The following KDM4C variants were observed in gnomAD, a reference collection of about 807,000 sequenced individuals.
The protein encoded by KDM4C is lysine-specific demethylase 4C.
A neutral mutation model predicts 129.3 loss-of-function variants in KDM4C; 81 were observed. That is an observed-to-expected ratio of 0.63 (90% confidence interval 0.52 to 0.75). KDM4C has a LOEUF of 0.75. Among genes scored for constraint, KDM4C ranks in the 30% least tolerant of loss-of-function variants. The probability of loss-of-function intolerance (pLI) is 0.00; values close to 1 mark genes in which losing one functional copy is unlikely to be tolerated. For synonymous variants in KDM4C, 573 were observed against 456.1 expected (o/e 1.26, Z -3.26); for missense variants, 1,457 against 1,304.0 (o/e 1.12, Z -1.81).
intron 3 of KDM4C, among the ~76,000 whole-genome samples, chr9:6,806,345 T>G (rs1247974629): frequency 6.6e-6 from 1 of 151,898 alleles, no homozygotes; most frequent in Non-Finnish European, 1.5e-5. Context: ...AACTACAAAA[T>G]TAACCATGCG....
At chr9:7,035,173 C>T (rs962553185) in intron 15 of KDM4C, among the ~76,000 whole-genome samples, 1 of 149,922 alleles carries the variant, frequency 6.7e-6, no homozygotes, top group African/African-American at 2.4e-5. Flanking sequence ...CCACCACACC[C>T]AGCTGAGTTT....
In KDM4C at chr9:7,016,265, C is replaced by T. The variant is rs576345688; in HGVS notation, c.2259+336C>T. Among the ~76,000 whole-genome samples, 3 of 151,842 alleles carry T rather than the reference C, an allele frequency of 2.0e-5. No homozygotes were observed. In the South Asian group the frequency reaches 6.2e-4, roughly 32 times the overall value. On this transcript the variant is annotated intron_variant, in intron 15 of 21. Transcript: ENST00000381309. Reference sequence around the variant, plus strand: ...GCCTCAGCCTCCCAAGTAGCTGGGACTACAGGCACCCGCCACCACGCCTGG... The same window carrying T: ...GCCTCAGCCTCCCAAGTAGCTGGGATTACAGGCACCCGCCACCACGCCTGG...
chr9:6,795,792 C>T (rs1404956022), intron 2 of KDM4C, among the ~76,000 whole-genome samples: 1 of 151,884 alleles, frequency 6.6e-6, no homozygotes, highest in East Asian at 1.9e-4. Context: ...CTCCCTCAGC[C>T]CCGCAATTAG....
At chr9:6,737,708 A>G (rs1817570533) in intron 1 of KDM4C, among the ~76,000 whole-genome samples, 1 of 151,750 alleles carries the variant, frequency 6.6e-6, no homozygotes, top group African/African-American at 2.4e-5. Flanking sequence ...ACATGAACAG[A>G]TAATTTTCAA....
intron 15 of KDM4C, among the ~76,000 whole-genome samples, chr9:7,041,170 G>A (rs992464296): frequency 4.6e-5 from 7 of 151,754 alleles, no homozygotes; most frequent in Non-Finnish European, 8.8e-5. Context: ...TATAATGGTT[G>A]TGTCTGTACT....
chr9:6,844,353 C>T (rs142742223), intron 4 of KDM4C, among the ~76,000 whole-genome samples: 1 of 152,180 alleles, frequency 6.6e-6, no homozygotes, highest in Non-Finnish European at 1.5e-5. Context: ...TCTCTAGCCA[C>T]CCCTTCACAC....
At chr9:7,008,414 C>T (rs545226288) in intron 12 of KDM4C, among the ~76,000 whole-genome samples, 67 of 152,288 alleles carry the variant, frequency 4.4e-4, no homozygotes, top group Admixed American at 1.8e-3. Context: ...CAACAGTAGC[C>T]AGCATTTGCA....
At chr9:6,781,518 A>G (rs546299608) in intron 1 of KDM4C, among the ~76,000 whole-genome samples, 12 of 152,210 alleles carry the variant, frequency 7.9e-5, no homozygotes, top group Admixed American at 5.9e-4. Context: ...CCATATAGCT[A>G]TAGCCATAAA....
At chr9:7,103,960 C>T in intron 18 of KDM4C, 90 bp downstream of exon 18, 3 of 1,148,018 alleles carry the variant, frequency 2.6e-6, no homozygotes, top group Non-Finnish European at 3.8e-6. Context: ...GTGCTTTATT[C>T]TGTAATATGA....
intron 15 of KDM4C, among the ~76,000 whole-genome samples, chr9:7,045,757 A>G (rs1326987549): frequency 1.3e-5 from 2 of 152,030 alleles, no homozygotes; most frequent in African/African-American, 4.8e-5. Context: ...CCTGTTGGAC[A>G]TTTCTAGTTG....
chr9:7,131,906 G>A (rs189067875), intron 19 of KDM4C, among the ~76,000 whole-genome samples: 16 of 152,290 alleles, frequency 1.1e-4, no homozygotes, highest in Admixed American at 9.8e-4. Context: ...TGAGCAACTG[G>A]TGGTAGAAAA....
At chr9:7,161,294 G>A (rs949663160) in intron 19 of KDM4C, among the ~76,000 whole-genome samples, 1 of 152,160 alleles carries the variant, frequency 6.6e-6, no homozygotes, top group African/African-American at 2.4e-5. Flanking sequence ...CCCAGCTGAG[G>A]TGATGCCCCA....
At chr9:7,092,035 G>A (rs1466835371) in intron 17 of KDM4C, among the ~76,000 whole-genome samples, 1 of 152,142 alleles carries the variant, frequency 6.6e-6, no homozygotes, top group Non-Finnish European at 1.5e-5. Flanking sequence ...TTTGTCCCAT[G>A]TGGATCTTAT....
chr9:6,935,500 T>G (rs919036387), intron 8 of KDM4C, among the ~76,000 whole-genome samples: 1 of 151,888 alleles, frequency 6.6e-6, no homozygotes, highest in African/African-American at 2.4e-5. Context: ...CACTGCAATC[T>G]CCCATCTCCC....
chr9:6,739,571 G>T (rs536202147), intron 1 of KDM4C, among the ~76,000 whole-genome samples: 1 of 151,612 alleles, frequency 6.6e-6, no homozygotes, highest in East Asian at 1.9e-4. Flanking sequence ...TACCCATTTG[G>T]TTTTACTCAC....
chr9:6,738,305 C>T (rs187224068), intron 1 of KDM4C, among the ~76,000 whole-genome samples: 4 of 152,008 alleles, frequency 2.6e-5, no homozygotes, highest in Non-Finnish European at 5.9e-5. Flanking sequence ...GGAGAAACCC[C>T]GTCTCTACTA....
chr9:7,099,748 G>A (rs1836860931), intron 17 of KDM4C, among the ~76,000 whole-genome samples: 1 of 152,152 alleles, frequency 6.6e-6, no homozygotes, highest in African/African-American at 2.4e-5. Flanking sequence ...TTCTGTTCTT[G>A]TCATCAGCCT....
intron 19 of KDM4C, among the ~76,000 whole-genome samples, chr9:7,143,103 G>A (rs1467477510): frequency 6.6e-6 from 1 of 152,124 alleles, no homozygotes; most frequent in Non-Finnish European, 1.5e-5. Flanking sequence ...ATAAAAGCTA[G>A]TCTCAGCTGT....
rs1169545922 is a variant in KDM4C at position 6,930,645 on chromosome 9, A to G, written c.921+37413A>G. Among the ~76,000 whole-genome samples, 5 of 147,208 alleles carry G rather than the reference A, an allele frequency of 3.4e-5. No individual in the cohort carries two copies. The East Asian group carries it at 5.8e-4, about 17-fold the overall frequency. On this transcript the variant is annotated intron_variant, in intron 8 of 21. Transcript: ENST00000381309. ...ATATAACATATTCATATGTAATATG[A>G]ATACATACTACATATAATAGTACAA...
Sources: gnomAD v4.1 joint callset for allele counts (sites outside exome capture counted in the v4.1 genomes callset) on GRCh38, gnomAD v4.1.1 for gene constraint, MANE v1.5 for transcripts, NCBI Gene and HGNC (gene_info 2026-07-23, HGNC 2026-07-21) for gene names.